RBMS3: variants seen among roughly 807,000 people sequenced by gnomAD.
RBMS3 encodes RNA-binding motif, single-stranded-interacting protein 3.
A neutral mutation model predicts 66.8 loss-of-function variants in RBMS3; 27 were observed. That is an observed-to-expected ratio of 0.40 (90% CI 0.30 to 0.56). The LOEUF (loss-of-function observed/expected upper bound fraction) is 0.56. RBMS3 is among the 20% of genes least tolerant of loss of function. The pLI is 0.40. For synonymous variants in RBMS3, 188 were observed against 183.0 expected (o/e 1.03, Z -0.22); for missense variants, 513 against 549.5 (o/e 0.93, Z 0.66).
Position 30,007,256 on chromosome 3 carries a change from T to C in RBMS3, c.*3394T>C, listed in dbSNP as rs1328821854. 6.6e-6 allele frequency: 1 copy of C among 151,524 alleles called. No homozygotes were observed. Among genetic ancestry groups the C allele is most frequent in the African/African-American group, 2.4e-5 (1 of 41,030 alleles). 9.4% of individuals were successfully genotyped at this position (151,524 alleles called of 1,614,324 possible). A position where few individuals can be genotyped will look rare whatever the true frequency, so the allele number is the denominator to read the frequency against. ...AATCAACAAAATATATTGTAGTGAT[T>C]TGTTTGTTTGTTTGTTTGAGACGGA... is the stretch of plus-strand genomic sequence containing the variant. On this transcript the variant is annotated 3_prime_UTR_variant, in exon 15 of 15. Transcript: ENST00000383767.
intron 1 of RBMS3, among the ~76,000 whole-genome samples, chr3:29,315,415 T>C (rs1010573879): frequency 6.6e-6 from 1 of 151,878 alleles, no homozygotes; most frequent in African/African-American, 2.4e-5. Context: ...CCCCTTCTCA[T>C]GTATACACAC....
chr3:29,911,660 C>A (rs1020894232), intron 10 of RBMS3, among the ~76,000 whole-genome samples: 2 of 151,988 alleles, frequency 1.3e-5, no homozygotes, highest in African/African-American at 4.8e-5. Flanking sequence ...TTTCTACTCC[C>A]CTCAGAACCC....
At chr3:29,836,623 A>T (rs2149495119) in intron 6 of RBMS3, among the ~76,000 whole-genome samples, 1 of 152,106 alleles carries the variant, frequency 6.6e-6, no homozygotes, top group African/African-American at 2.4e-5. Context: ...AGTTCTGGAG[A>T]CTTTATGTAC....
At chr3:29,584,677 T>G (rs2047448549) in intron 3 of RBMS3, among the ~76,000 whole-genome samples, 1 of 152,136 alleles carries the variant, frequency 6.6e-6, no homozygotes, top group Non-Finnish European at 1.5e-5. Flanking sequence ...ACAAAACCAG[T>G]GGTAATCCTT....
At chr3:29,718,098 T>G (rs1218627394) in intron 4 of RBMS3, among the ~76,000 whole-genome samples, 1 of 152,104 alleles carries the variant, frequency 6.6e-6, no homozygotes, top group Non-Finnish European at 1.5e-5. Flanking sequence ...GGATCCCTTT[T>G]TCCTGATGTT....
At chr3:29,436,683 C>T (rs1398972331) in intron 2 of RBMS3, among the ~76,000 whole-genome samples, 1 of 152,118 alleles carries the variant, frequency 6.6e-6, no homozygotes, top group East Asian at 1.9e-4. Flanking sequence ...ATTTGAAACT[C>T]ATTTATTTTT....
At chr3:29,553,478 C>T (rs764577902) in intron 3 of RBMS3, among the ~76,000 whole-genome samples, 6 of 152,048 alleles carry the variant, frequency 3.9e-5, no homozygotes, top group Admixed American at 1.3e-4. Context: ...TTACACCCCT[C>T]ACATTGATGA....
chr3:29,700,312 G>T (rs560426391), intron 4 of RBMS3, among the ~76,000 whole-genome samples: 1 of 152,298 alleles, frequency 6.6e-6, no homozygotes, highest in East Asian at 1.9e-4. Flanking sequence ...ATAGTATGGA[G>T]TTCTTTTTCA....
intron 1 of RBMS3, among the ~76,000 whole-genome samples, chr3:29,356,255 A>G (rs541263911): frequency 6.6e-6 from 1 of 152,168 alleles, no homozygotes; most frequent in Non-Finnish European, 1.5e-5. Context: ...CCTCTGTTGC[A>G]TTGTCTCTTT....
intron 3 of RBMS3, 89 bp from the exon 4 acceptor site, chr3:29,587,025 C>T: frequency 1.0e-6 from 1 of 958,686 alleles, no homozygotes; most frequent in Non-Finnish European, 1.6e-6. Context: ...GAAATGAATG[C>T]AAGTCTATCT....
At chr3:29,883,765 T>A (rs2059791196) in intron 7 of RBMS3, among the ~76,000 whole-genome samples, 1 of 152,078 alleles carries the variant, frequency 6.6e-6, no homozygotes, top group East Asian at 1.9e-4. Context: ...ATTGAATGCA[T>A]TTTTAGTAGC....
At chr3:29,501,007 A>C (rs2043947037) in intron 3 of RBMS3, among the ~76,000 whole-genome samples, 1 of 152,236 alleles carries the variant, frequency 6.6e-6, no homozygotes, top group South Asian at 2.1e-4. Flanking sequence ...AGTTCTTTGT[A>C]ATTAAGCATC....
chr3:29,775,416 G>T (rs1228621555), intron 6 of RBMS3, among the ~76,000 whole-genome samples: 1 of 151,894 alleles, frequency 6.6e-6, no homozygotes, highest in African/African-American at 2.4e-5. Flanking sequence ...CAGAATATGT[G>T]AATGTTGTAT....
chr3:29,847,452 G>T (rs574125670), intron 6 of RBMS3, among the ~76,000 whole-genome samples: 2 of 152,254 alleles, frequency 1.3e-5, no homozygotes, highest in Non-Finnish European at 2.9e-5. Context: ...TATGGGCAAA[G>T]ATTAAAATTA....
At chr3:29,751,531 T>A (rs980662213) in intron 5 of RBMS3, among the ~76,000 whole-genome samples, 1 of 152,188 alleles carries the variant, frequency 6.6e-6, no homozygotes, top group Non-Finnish European at 1.5e-5. Context: ...AAAATTTCTT[T>A]CCCAAGATTA....
chr3:29,986,187 A>G (rs1332147590), intron 12 of RBMS3, among the ~76,000 whole-genome samples: 1 of 152,168 alleles, frequency 6.6e-6, no homozygotes, highest in African/African-American at 2.4e-5. Flanking sequence ...AACATGAGCC[A>G]CAAATCTATC....
chr3:29,434,608 G>T, intron 1 of RBMS3, 135 bp from the exon 2 acceptor site: 1 of 1,215,488 alleles, frequency 8.2e-7, no homozygotes, highest in Non-Finnish European at 1.1e-6. Flanking sequence ...AGAGAGTAGT[G>T]ATATAAATGT....
intron 6 of RBMS3, among the ~76,000 whole-genome samples, chr3:29,844,517 T>C (rs1388507149): frequency 2.0e-5 from 3 of 152,218 alleles, no homozygotes; most frequent in African/African-American, 7.2e-5. Context: ...TCCTCTAATC[T>C]AAACTTTCTC....
intron 4 of RBMS3, among the ~76,000 whole-genome samples, chr3:29,695,487 CT>C (rs1357741991): frequency 6.6e-6 from 1 of 152,100 alleles, no homozygotes; most frequent in Non-Finnish European, 1.5e-5. Context: ...ATAGATCCTA[CT>C]TTTAATTATT....
Sources: gnomAD v4.1 joint callset for allele counts (sites outside exome capture counted in the v4.1 genomes callset) on GRCh38, gnomAD v4.1.1 for gene constraint, MANE v1.5 for transcripts, NCBI Gene and HGNC (gene_info 2026-07-23, HGNC 2026-07-21) for gene names.